Variants in WDR36 observed in about 807,000 individuals in gnomAD.
WDR36 encodes the protein WD repeat domain 36.
WDR36 carries 63 observed loss-of-function variants against 112.7 expected under a neutral mutation model. The observed-to-expected ratio is 0.56, with a 90% CI of 0.46 to 0.69. The LOEUF (loss-of-function observed/expected upper bound fraction) is 0.69. Among genes scored for constraint, WDR36 ranks in the 30% least tolerant of loss-of-function variants. The probability of loss-of-function intolerance (pLI) is 0.00; values close to 1 mark genes in which losing one functional copy is unlikely to be tolerated. For missense variants in WDR36, 1,226 were observed against 1,070.3 expected (o/e 1.15, Z -2.03); for synonymous variants, 410 against 362.2 (o/e 1.13, Z -1.50).
intron 11 of WDR36, among the ~76,000 whole-genome samples, chr5:111,106,577 G>A (rs1396318672): frequency 2.0e-5 from 3 of 151,342 alleles, no homozygotes; most frequent in African/African-American, 4.8e-5. Context: ...TAGATAATGG[G>A]TTTGTTGCGT....
intron 3 of WDR36, among the ~76,000 whole-genome samples, chr5:111,098,296 G>A (rs1580390680): frequency 6.7e-6 from 1 of 149,686 alleles, no homozygotes; most frequent in African/African-American, 2.4e-5. Flanking sequence ...TGGGGAAGAA[G>A]ACCCTATATC....
At chr5:111,123,069 A>G (rs934085303) in intron 19 of WDR36, among the ~76,000 whole-genome samples, 4 of 152,002 alleles carry the variant, frequency 2.6e-5, no homozygotes, top group Non-Finnish European at 1.5e-5. Flanking sequence ...AGATCGCACC[A>G]CTTCACTCCA....
chr5:111,125,504 C>A (rs1753661793), intron 21 of WDR36, 104 bp from the exon 22 acceptor site: 1 of 1,197,388 alleles, frequency 8.4e-7, no homozygotes, highest in Non-Finnish European at 1.2e-6. Flanking sequence ...GAAGAATTTC[C>A]TGTACCATTT....
At chr5:111,097,049 CTG>C in intron 2 of WDR36, 28 bp from the exon 3 acceptor site, 2 of 1,539,782 alleles carry the variant, frequency 1.3e-6, no homozygotes, top group African/African-American at 2.7e-5. Context: ...TTAAAAATCC[CTG>C]TTTCTTTCAT....
Position 111,127,296 on chromosome 5 carries a change from T to C in WDR36, c.*413T>C, listed in dbSNP as rs566884664. 98 of 211,202 alleles carry C rather than the reference T, an allele frequency of 4.6e-4. 1 individual carries two copies. In the East Asian group the frequency reaches 7.0e-3, roughly 15 times the overall value. The allele number at this position is 211,202 out of a possible 1,614,324, so 13.1% of individuals were successfully genotyped here. On this transcript the variant is annotated 3_prime_UTR_variant, in exon 23 of 23. Coordinates refer to ENST00000513710, the MANE Select transcript of WDR36 (RefSeq NM_139281.3). ...CTTTTATATGATTTTTAAAAAATTA[T>C]TACCTGCTTATATTTTTTGAGTATC...
chr5:111,103,877 G>T lies in WDR36; in HGVS notation c.689G>T (p.Arg230Leu), dbSNP rs201733427. Residue 230 changes from arginine to leucine, a missense_variant, in exon 7 of 23, where the codon CGT (arginine) becomes CTT (leucine). Arg to Leu is a moderately radical substitution (Grantham distance 102). Transcript: ENST00000513710. ...IKFNETLMKF[R>L]QDWGPITSIS... is the part of the protein sequence containing the mutation. Reference sequence around the variant, plus strand: ...TTTAATGAAACATTAATGAAGTTTCGTCAAGACTGGGGACCCATTACTTCA... The same window carrying T: ...TTTAATGAAACATTAATGAAGTTTCTTCAAGACTGGGGACCCATTACTTCA... The T allele has an allele frequency of 6.2e-7, 1 of 1,611,142 alleles. No individual in the cohort carries two copies.
intron 16 of WDR36, among the ~76,000 whole-genome samples, chr5:111,115,657 G>A (rs1191785827): frequency 1.3e-5 from 2 of 152,118 alleles, no homozygotes; most frequent in East Asian, 3.9e-4. Flanking sequence ...TTTGAATAAT[G>A]AAAACAAATT....
Position 111,092,398 on chromosome 5 carries a change from G to T in WDR36, c.-59G>T. On this transcript the variant is annotated 5_prime_UTR_variant, in exon 1 of 23. Transcript: ENST00000513710. ...ACTGTTCCACTAGACACGCTGAAGG[G>T]ACTGGGTACGTGTTTTCCTTCAGGA... 1.9e-6 allele frequency: 3 copies of T among 1,614,252 alleles called. No homozygotes were observed. Among genetic ancestry groups the T allele is most frequent in the Non-Finnish European group, 2.5e-6 (3 of 1,180,056 alleles).
rs545595431 is a variant in WDR36 at position 111,129,016 on chromosome 5, C to A, written c.*2133C>A. 1.4e-4 allele frequency: 28 copies of A among 193,454 alleles called. No homozygotes were observed. The highest frequency in any genetic ancestry group is 3.9e-4 in the South Asian group (2 of 5,194). 12.0% of individuals were successfully genotyped at this position (193,454 alleles called of 1,614,324 possible). On this transcript the variant is annotated 3_prime_UTR_variant, in exon 23 of 23. Transcript: ENST00000513710. ...TACAGCCACAGGAAATGTATAGTTA[C>A]GATTTTTACATACGTGTATGTATAT...
chr5:111,094,959 C>T lies in WDR36; in HGVS notation c.190+12C>T, dbSNP rs144126376. 1.2e-6 allele frequency: 2 copies of T among 1,604,166 alleles called. No individual in the cohort carries two copies. The highest frequency in any genetic ancestry group is 1.7e-6 in the Non-Finnish European group (2 of 1,173,984). On this transcript the variant is annotated intron_variant, in intron 2 of 22. Coordinates refer to ENST00000513710, the MANE Select transcript of WDR36 (RefSeq NM_139281.3). ...TCTGGTTGCAGTAAGTAAGTATGGA[C>T]TTTATTCTGAATTTATGCACATCTA...
At chr5:111,105,482 G>A (rs542412075) in intron 10 of WDR36, 122 bp downstream of exon 10, 38 of 866,926 alleles carry the variant, frequency 4.4e-5, no homozygotes, top group African/African-American at 4.4e-4. Context: ...AGATAAACAT[G>A]TATGGAAGAG....
intron 1 of WDR36, among the ~76,000 whole-genome samples, chr5:111,093,272 G>C (rs1022816528): frequency 3.9e-5 from 6 of 152,170 alleles, no homozygotes; most frequent in Admixed American, 6.5e-5. Flanking sequence ...CATTGTAATA[G>C]TGTCTCTTGT....
rs536490937 is a variant in WDR36, at chr5:111,099,192, A to C, written c.409+353A>C. ...GTATTTTCACCTTTTAGTAAAGGAGACTGTAATAGTAAACTTGATCTTGTA... is the reference window on the plus strand; with the variant it reads ...GTATTTTCACCTTTTAGTAAAGGAGCCTGTAATAGTAAACTTGATCTTGTA... On this transcript the variant is annotated intron_variant, in intron 4 of 22. Transcript: ENST00000513710. 8.7e-4 allele frequency among the ~76,000 whole-genome samples: 133 copies of C among 152,120 alleles called. No homozygotes were observed. In the South Asian group the frequency reaches 0.012, roughly 13 times the overall value.
In WDR36 at chr5:111,092,351, G is replaced by A. The variant is rs775981500; in HGVS notation, c.-106G>A. The A allele has an allele frequency of 1.2e-6, 2 of 1,614,264 alleles. No homozygotes were observed. Among genetic ancestry groups the A allele is most frequent in the African/African-American group, 2.7e-5 (2 of 75,078 alleles). Reference sequence around the variant, plus strand: ...CGCAGCGGGCGCCGGAAGCGGTGTTGTGTCTGCAGCTCTGGCAGAGGACTG... The same window carrying A: ...CGCAGCGGGCGCCGGAAGCGGTGTTATGTCTGCAGCTCTGGCAGAGGACTG... On this transcript the variant is annotated 5_prime_UTR_variant, in exon 1 of 23. In the 5' UTR this introduces an upstream ATG that the reference lacks. Coordinates refer to ENST00000513710, the MANE Select transcript of WDR36 (RefSeq NM_139281.3).
intron 16 of WDR36, among the ~76,000 whole-genome samples, chr5:111,113,964 T>C (rs937659081): frequency 6.6e-6 from 1 of 152,098 alleles, no homozygotes; most frequent in Non-Finnish European, 1.5e-5. Context: ...TACCATCACA[T>C]TGGGGATTAA....
Position 111,092,425 on chromosome 5 carries a change from C to T in WDR36, c.-32C>T. The T allele has an allele frequency of 6.2e-7, 1 of 1,614,202 alleles. No individual in the cohort carries two copies. The highest frequency in any genetic ancestry group is 1.3e-5 in the African/African-American group (1 of 75,052). ...CTGGGTACGTGTTTTCCTTCAGGAC[C>T]AGAGCTGAGAGGAGCTGGGATCGCG... On this transcript the variant is annotated 5_prime_UTR_variant, in exon 1 of 23. Transcript: ENST00000513710.
At chr5:111,102,205 C>T (rs1366594928) in intron 5 of WDR36, 140 bp from the exon 6 acceptor site, 10 of 681,824 alleles carry the variant, frequency 1.5e-5, no homozygotes, top group Admixed American at 1.4e-4. Flanking sequence ...GTGACATTAG[C>T]TTAATCATCA....
chr5:111,121,650 A>G lies in WDR36; in HGVS notation c.2148+509A>G, dbSNP rs533363346. ...AGTTAACATGAGCTAGGTACTAAAT[A>G]ATGTACCTGGAGAGTATGGTGGTGA... is the stretch of plus-strand genomic sequence containing the variant. On this transcript the variant is annotated intron_variant, in intron 19 of 22. Transcript: ENST00000513710. Among the ~76,000 whole-genome samples, 5 of 152,294 alleles carry G rather than the reference A, an allele frequency of 3.3e-5. No homozygotes were observed. In the East Asian group the frequency reaches 9.7e-4, roughly 29 times the overall value.
At chr5:111,118,292 T>C (rs917322566) in intron 16 of WDR36, among the ~76,000 whole-genome samples, 3 of 152,160 alleles carry the variant, frequency 2.0e-5, no homozygotes, top group Non-Finnish European at 4.4e-5. Flanking sequence ...GACACCAATA[T>C]CCATTGAAAT....
Sources: gnomAD v4.1 joint callset for allele counts (sites outside exome capture counted in the v4.1 genomes callset) on GRCh38, gnomAD v4.1.1 for gene constraint, MANE v1.5 for transcripts, NCBI Gene and HGNC (gene_info 2026-07-23, HGNC 2026-07-21) for gene names.